Variants in HIVEP3 observed in about 807,000 individuals in gnomAD.
HIVEP3 encodes HIVEP zinc finger 3.
In HIVEP3, 49 loss-of-function variants were observed where a neutral mutation model predicts 152.8. The observed-to-expected ratio is 0.32, with a 90% CI of 0.26 to 0.41. The LOEUF (loss-of-function observed/expected upper bound fraction) is 0.41. Ranked by LOEUF, HIVEP3 falls within the 10% of genes least tolerant of loss-of-function variation. The probability of loss-of-function intolerance (pLI) is 1.00; values close to 1 mark genes in which losing one functional copy is unlikely to be tolerated. For missense variants in HIVEP3, 2,790 were observed against 3,103.3 expected (o/e 0.90, Z 2.40); for synonymous variants, 1,269 against 1,289.0 (o/e 0.98, Z 0.33).
Position 41,692,397 on chromosome 1 carries a change from A to G in HIVEP3, c.-721+8519T>C, listed in dbSNP as rs138892028. ...CTGTGTGCCTTACAGAGGAAATGCCATGTTAGGTAAGCTTTGTTCAGAGAG... is the reference window on the plus strand; with the variant it reads ...CTGTGTGCCTTACAGAGGAAATGCCGTGTTAGGTAAGCTTTGTTCAGAGAG... On this transcript the variant is annotated intron_variant, in intron 2 of 8. Coordinates refer to ENST00000372583, the MANE Select transcript of HIVEP3 (RefSeq NM_024503.5). Among the ~76,000 whole-genome samples the G allele has an allele frequency of 6.1e-3, 930 of 152,320 alleles. 13 individuals carry two copies. Among genetic ancestry groups the G allele is most frequent in the African/African-American group, 0.022 (897 of 41,562 alleles).
intron 1 of HIVEP3, among the ~76,000 whole-genome samples, chr1:41,936,914 C>A (rs1242929808): frequency 6.6e-6 from 1 of 152,114 alleles, no homozygotes; most frequent in Non-Finnish European, 1.5e-5. Flanking sequence ...CATTTGGTCA[C>A]CCCAGTATTA....
intron 3 of HIVEP3, among the ~76,000 whole-genome samples, chr1:41,589,065 T>A (rs967088542): frequency 7.9e-5 from 12 of 152,242 alleles, no homozygotes; most frequent in Non-Finnish European, 1.5e-4. Context: ...ATGGTTCTTT[T>A]CTACCTTCTG....
At chr1:41,659,883 G>A (rs1384146640) in intron 2 of HIVEP3, among the ~76,000 whole-genome samples, 1 of 152,214 alleles carries the variant, frequency 6.6e-6, no homozygotes, top group African/African-American at 2.4e-5. Flanking sequence ...CTGGGGACAC[G>A]GGGACAAGGG....
chr1:41,957,634 A>ATTCT, intron 1 of HIVEP3, among the ~76,000 whole-genome samples: 1 of 152,238 alleles, frequency 6.6e-6, no homozygotes, highest in African/African-American at 2.4e-5. Context: ...GGACATGGAA[A>ATTCT]GAAAGCTCAG....
intron 4 of HIVEP3, 105 bp downstream of exon 4, chr1:41,579,632 T>A (rs1456986491): frequency 7.5e-7 from 1 of 1,331,862 alleles, no homozygotes. Flanking sequence ...TGACTACTAG[T>A]CTGGCTCTAG....
At position 41,618,901 on chromosome 1, in the gene HIVEP3, G is replaced by C. The variant is rs796999303; in HGVS notation, c.-522+9848C>G. ...CATGTTGGCTTGACCTCAAAATGGAGCTGGAATCAGACCCCTTCCCATGGC... is the reference window on the plus strand; with the variant it reads ...CATGTTGGCTTGACCTCAAAATGGACCTGGAATCAGACCCCTTCCCATGGC... On this transcript the variant is annotated intron_variant, in intron 3 of 8. Transcript: ENST00000372583. Among the ~76,000 whole-genome samples, 3 of 152,318 alleles carry C rather than the reference G, an allele frequency of 2.0e-5. No individual in the cohort carries two copies. The South Asian group carries it at 6.2e-4, about 32-fold the overall frequency.
chr1:41,694,314 C>T (rs546086122), intron 2 of HIVEP3, among the ~76,000 whole-genome samples: 4 of 152,050 alleles, frequency 2.6e-5, no homozygotes, highest in Non-Finnish European at 4.4e-5. Flanking sequence ...TTTTGCATGC[C>T]CCACCCGACC....
Position 41,787,762 on chromosome 1 carries a change from T to A in HIVEP3, c.-800-86767A>T, listed in dbSNP as rs192036874. Among the ~76,000 whole-genome samples the A allele has an allele frequency of 7.9e-5, 12 of 152,158 alleles. No homozygotes were observed. The East Asian group carries it at 2.3e-3, about 29-fold the overall frequency. On this transcript the variant is annotated intron_variant, in intron 1 of 8. Transcript: ENST00000372583. ...GTTGCCTAGGCTGGTCTCAGACTTC[T>A]GGGCTCAAGCGATCCTCTTGCCTCA...
intron 1 of HIVEP3, among the ~76,000 whole-genome samples, chr1:41,770,029 C>T (rs1214975667): frequency 6.6e-6 from 1 of 152,164 alleles, no homozygotes; most frequent in African/African-American, 2.4e-5. Context: ...AGTGCAGTGG[C>T]ACGATCTTGG....
At chr1:41,641,138 T>C (rs1422198420) in intron 2 of HIVEP3, among the ~76,000 whole-genome samples, 4 of 152,262 alleles carry the variant, frequency 2.6e-5, no homozygotes, top group Non-Finnish European at 5.9e-5. Flanking sequence ...AATAAGAAGA[T>C]ACCAGATCCC....
chr1:41,568,892 C>A (rs12133273), intron 5 of HIVEP3, among the ~76,000 whole-genome samples: 27,563 of 152,112 alleles, frequency 0.18, 3,095 homozygotes, highest in Non-Finnish European at 0.27. Context: ...GGAGATGGGG[C>A]CTGGTGGGAG....
At chr1:41,954,454 T>C (rs115933833) in intron 1 of HIVEP3, among the ~76,000 whole-genome samples, 11 of 152,368 alleles carry the variant, frequency 7.2e-5, no homozygotes, top group Non-Finnish European at 1.6e-4. Flanking sequence ...CTGTCTCTCA[T>C]TGAAAACCAA....
At chr1:41,866,866 T>C (rs1038910026) in intron 1 of HIVEP3, among the ~76,000 whole-genome samples, 1 of 152,232 alleles carries the variant, frequency 6.6e-6, no homozygotes, top group African/African-American at 2.4e-5. Context: ...AAGATGCTAA[T>C]GTCCCAGCTC....
intron 1 of HIVEP3, among the ~76,000 whole-genome samples, chr1:41,941,139 G>A (rs530220403): frequency 1.8e-4 from 27 of 152,276 alleles, no homozygotes; most frequent in African/African-American, 6.5e-4. Flanking sequence ...GCTGAAAAGT[G>A]GATGGAAGGC....
intron 1 of HIVEP3, among the ~76,000 whole-genome samples, chr1:41,845,411 ACACACACG>A (rs1370230682): frequency 0.028 from 2,667 of 96,626 alleles, 41 homozygotes; most frequent in African/African-American, 0.035. Context: ...CTATACACAC[ACACACACG>A]CACACACACA....
chr1:42,024,907 G>A (rs552559910), intron 1 of HIVEP3, among the ~76,000 whole-genome samples: 72 of 152,284 alleles, frequency 4.7e-4, no homozygotes, highest in Middle Eastern at 3.4e-3. Flanking sequence ...TTCAGTTACA[G>A]ATTTATTCTA....
intron 1 of HIVEP3, among the ~76,000 whole-genome samples, chr1:41,916,378 C>T (rs1487073282): frequency 6.6e-6 from 1 of 152,180 alleles, no homozygotes; most frequent in African/African-American, 2.4e-5. Flanking sequence ...CTTAAGGGGC[C>T]AGACTTTGCC....
intron 1 of HIVEP3, among the ~76,000 whole-genome samples, chr1:41,821,675 C>T (rs759517912): frequency 3.9e-5 from 6 of 152,208 alleles, no homozygotes; most frequent in Non-Finnish European, 8.8e-5. Flanking sequence ...GCCCTACTTC[C>T]CTTAGTTCCC....
intron 1 of HIVEP3, among the ~76,000 whole-genome samples, chr1:42,012,674 G>T (rs1645500171): frequency 6.8e-6 from 1 of 146,724 alleles, no homozygotes. Flanking sequence ...TGGGAGACAG[G>T]GCGAGACTCC....
Sources: gnomAD v4.1 joint callset for allele counts (sites outside exome capture counted in the v4.1 genomes callset) on GRCh38, gnomAD v4.1.1 for gene constraint, MANE v1.5 for transcripts, NCBI Gene and HGNC (gene_info 2026-07-23, HGNC 2026-07-21) for gene names.